RSPH10B: variants seen among roughly 807,000 people sequenced by gnomAD.
RSPH10B encodes radial spoke head 10 homolog B (Chlamydomonas).
A neutral mutation model predicts 52.5 loss-of-function variants in RSPH10B; 7 were observed. That is an observed-to-expected ratio of 0.13 (90% CI 0.08 to 0.25). The LOEUF (loss-of-function observed/expected upper bound fraction) is 0.25, where lower values mean the gene tolerates loss of function less well. RSPH10B is among the 10% of genes least tolerant of loss of function. RSPH10B has a pLI of 1.00. For missense variants in RSPH10B, 89 were observed against 542.5 expected (o/e 0.16, Z 8.30); for synonymous variants, 28 against 193.2 (o/e 0.14, Z 7.09).
chr7:5,933,015 C>CTTTT (rs71223185), intron 16 of RSPH10B, 140 bp from the exon 19 acceptor site: 142 of 27,280 alleles, frequency 5.2e-3, no homozygotes, highest in Middle Eastern at 0.019. Context: ...TTTAATTTGA[C>CTTTT]TTTTTTTTTT....
At chr7:5,927,765 G>A (rs62453637) in intron 18 of RSPH10B, among the ~76,000 whole-genome samples, 7 of 145,040 alleles carry the variant, frequency 4.8e-5, no homozygotes, top group East Asian at 2.3e-4. Context: ...GTGAAACCTC[G>A]TCTCTACTAA....
At chr7:5,931,579 G>C (rs1274578401) in intron 17 of RSPH10B, among the ~76,000 whole-genome samples, 1 of 151,034 alleles carries the variant, frequency 6.6e-6, no homozygotes, top group Non-Finnish European at 1.5e-5. Context: ...CAAAGACCAG[G>C]CGCGGTTGGG....
chr7:5,948,262 G>A (rs1780507967), exon 10 of RSPH10B: 1 of 13,298 alleles, frequency 7.5e-5, no homozygotes, highest in Non-Finnish European at 1.6e-4. Context: ...AGTTTGTGGT[G>A]ATGAAATTTG....
At chr7:5,958,327 A>G (rs1780806173) in intron 5 of RSPH10B, among the ~76,000 whole-genome samples, 2 of 150,932 alleles carry the variant, frequency 1.3e-5, no homozygotes, top group African/African-American at 4.9e-5. Flanking sequence ...CTTGGGAGGC[A>G]AAACTCCATC....
intron 13 of RSPH10B, among the ~76,000 whole-genome samples, chr7:5,940,048 T>G (rs1480743111): frequency 2.3e-5 from 3 of 127,774 alleles, no homozygotes; most frequent in African/African-American, 8.2e-5. Context: ...TACAAAAAAA[T>G]TAGCTGCGCA....
chr7:5,944,590 G>C (rs945025566), intron 11 of RSPH10B, among the ~76,000 whole-genome samples: 1 of 147,226 alleles, frequency 6.8e-6, no homozygotes, highest in African/African-American at 2.6e-5. Flanking sequence ...TTTTGATCCA[G>C]TATGTCATGG....
chr7:5,928,816 A>G (rs1779667789), intron 17 of RSPH10B, among the ~76,000 whole-genome samples: 1 of 149,724 alleles, frequency 6.7e-6, no homozygotes, highest in African/African-American at 2.5e-5. Flanking sequence ...AGTAGAGATG[A>G]GGTTTCACCA....
chr7:5,957,739 T>C (rs1357645679), intron 6 of RSPH10B, among the ~76,000 whole-genome samples, 168 bp downstream of exon 8: 7 of 129,864 alleles, frequency 5.4e-5, no homozygotes, highest in Non-Finnish European at 1.1e-4. Context: ...GAGGCTGCAG[T>C]GAGCCAAGAT....
intron 18 of RSPH10B, among the ~76,000 whole-genome samples, chr7:5,927,078 G>GTATATATATATA (rs1424714633): frequency 6.5e-4 from 84 of 129,816 alleles, no homozygotes; most frequent in East Asian, 6.1e-3. Context: ...ATATGTGTGT[G>GTATATATATATA]TGTGTGTGTG....
At chr7:5,961,529 G>T in intron 3 of RSPH10B, among the ~76,000 whole-genome samples, 1 of 87,600 alleles carries the variant, frequency 1.1e-5, no homozygotes, top group Non-Finnish European at 2.5e-5. Flanking sequence ...TTTTAGGAGA[G>T]ACGGGGTTTT....
chr7:5,957,894 C>G lies in RSPH10B; in HGVS notation c.780+13G>C. The G allele has an allele frequency of 7.6e-7, 1 of 1,321,400 alleles. No individual in the cohort carries two copies. The highest frequency in any genetic ancestry group is 2.7e-5 in the Admixed American group (1 of 36,410). The allele number at this position is 1,321,400 out of a possible 1,614,324, so 81.9% of individuals were successfully genotyped here. On this transcript the variant is annotated intron_variant, in intron 6 of 18. Transcript: ENST00000337579. The stretch of plus-strand genomic sequence containing the variant: ...CGCCTCTGGGTATAAGCTGCTACCC[C>G]GCCCGGGCGTACCTGGATGCCCCTC...
At chr7:5,956,774 A>G in intron 6 of RSPH10B, among the ~76,000 whole-genome samples, 1 of 122,842 alleles carries the variant, frequency 8.1e-6, no homozygotes, top group East Asian at 2.8e-4. Flanking sequence ...TCACCATATC[A>G]CCCAGGCTGG....
intron 17 of RSPH10B, among the ~76,000 whole-genome samples, chr7:5,931,919 G>A (rs1337292635): frequency 2.0e-5 from 3 of 151,280 alleles, no homozygotes; most frequent in Non-Finnish European, 3.0e-5. Context: ...AACCCAGGAG[G>A]CAGAGGTTGC....
intron 13 of RSPH10B, among the ~76,000 whole-genome samples, chr7:5,942,177 T>C (rs1200506836): frequency 1.4e-5 from 2 of 145,988 alleles, no homozygotes; most frequent in Non-Finnish European, 3.0e-5. Flanking sequence ...TTTAAAAAGA[T>C]TTCAGTTGAC....
chr7:5,948,025 C>G (rs1416324788), intron 10 of RSPH10B, among the ~76,000 whole-genome samples, 195 bp downstream of exon 12: 1 of 12,726 alleles, frequency 7.9e-5, no homozygotes, highest in East Asian at 1.1e-3. Context: ...GCATGCACCA[C>G]CACGCCTGGC....
intron 18 of RSPH10B, among the ~76,000 whole-genome samples, chr7:5,927,112 G>T (rs1431285590): frequency 2.2e-5 from 3 of 134,924 alleles, no homozygotes; most frequent in Admixed American, 7.9e-5. Flanking sequence ...TTTTTTTTGA[G>T]ATAGGGTCTT....
At chr7:5,954,988 T>C (rs867390800) in intron 7 of RSPH10B, among the ~76,000 whole-genome samples, 1 of 24,160 alleles carries the variant, frequency 4.1e-5, no homozygotes, top group African/African-American at 1.6e-4. Flanking sequence ...CTGTAACTAC[T>C]AAAAAAAAAA....
chr7:5,939,585 A>AACAC (rs762383240), intron 13 of RSPH10B, among the ~76,000 whole-genome samples: 2,655 of 35,836 alleles, frequency 0.074, 71 homozygotes, highest in Non-Finnish European at 0.079. Context: ...ACCTGTCTCA[A>AACAC]ACACACACAC....
chr7:5,926,278 CTG>C (rs1189442395), exon 19 of RSPH10B: 24 of 730,890 alleles, frequency 3.3e-5, no homozygotes, highest in Non-Finnish European at 4.7e-5. Context: ...TGTTAAAACA[CTG>C]TGACGAGTTC....
Sources: allele counts gnomAD v4.1 joint callset (sites outside exome capture counted in the v4.1 genomes callset), GRCh38; gene constraint gnomAD v4.1.1; transcripts MANE v1.5; gene names NCBI Gene and HGNC (gene_info 2026-07-23, HGNC 2026-07-21).